ZMYM2: variants seen among roughly 807,000 people sequenced by gnomAD.
The protein encoded by ZMYM2 is zinc finger MYM-type protein 2.
A neutral mutation model predicts 162.8 loss-of-function variants in ZMYM2; 56 were observed. The ratio of observed to expected loss-of-function variants is 0.34; its 90% CI spans 0.28 to 0.43. ZMYM2 has a LOEUF of 0.43. Among genes scored for constraint, ZMYM2 ranks in the 20% least tolerant of loss-of-function variants. The probability of loss-of-function intolerance (pLI) is 1.00; values close to 1 mark genes in which losing one functional copy is unlikely to be tolerated. For missense variants in ZMYM2, 1,275 were observed against 1,621.8 expected (o/e 0.79, Z 3.67); for synonymous variants, 510 against 541.6 (o/e 0.94, Z 0.81).
intron 7 of ZMYM2, chr13:20,025,847 C>T (rs1407012874): frequency 1.3e-5 from 2 of 152,106 alleles, no homozygotes; most frequent in Non-Finnish European, 2.9e-5. Flanking sequence ...AGTTGTAACA[C>T]AATGGTAAGT....
the ZMYM2 span, among the ~76,000 whole-genome samples, chr13:19,893,076 T>C: frequency 6.6e-6 from 1 of 151,912 alleles, no homozygotes; most frequent in Admixed American, 6.6e-5. Context: ...TATAGTTGTA[T>C]AGTGTTTGTT....
rs1555278560 is a variant in ZMYM2, at chr13:19,971,264, T to TATATA, written c.-11+11238_-11+11239insATATA. Among the ~76,000 whole-genome samples, 159 of 53,484 alleles carry TATATA rather than the reference T, an allele frequency of 3.0e-3. 1 individual carries two copies. The highest frequency in any genetic ancestry group is 0.024 in the Middle Eastern group (2 of 84). 35.1% of individuals were successfully genotyped at this position (53,484 alleles called of 152,430 possible). On this transcript the variant is annotated intron_variant, in intron 2 of 24. Coordinates refer to ENST00000610343, the MANE Select transcript of ZMYM2 (RefSeq NM_197968.4). Reference sequence around the variant, plus strand: ...TGTGTGTATATATATATATATATATTTTTTTTTTTTTTTTTTTTTCCTTGA... The same window carrying TATATA: ...TGTGTGTATATATATATATATATATTATATATTTTTTTTTTTTTTTTTTTCCTTGA...
intron 9 of ZMYM2, among the ~76,000 whole-genome samples, chr13:20,030,477 C>T (rs185317377): frequency 3.1e-4 from 47 of 150,918 alleles, no homozygotes; most frequent in African/African-American, 1.1e-3. Context: ...CGGCTCACTG[C>T]AAGCTCCACC....
rs111896893 is a variant in ZMYM2, at chr13:20,074,114, T to C, written c.3453+6724T>C. The stretch of plus-strand genomic sequence containing the variant: ...ACCTCATATAAGTGGAATCATGCAG[T>C]ATTTGTCCTTTTTAGTCTGGCTTAT... On this transcript the variant is annotated intron_variant, in intron 21 of 24. Transcript: ENST00000610343. Among the ~76,000 whole-genome samples, 72 of 152,230 alleles carry C rather than the reference T, an allele frequency of 4.7e-4. 1 individual carries two copies. The highest frequency in any genetic ancestry group is 1.7e-3 in the African/African-American group (71 of 41,526).
Position 20,087,856 on chromosome 13 carries a change from C to G in ZMYM2, c.*1842C>G. The G allele has an allele frequency of 5.3e-6, 1 of 187,374 alleles. No individual in the cohort carries two copies. Among genetic ancestry groups the G allele is most frequent in the East Asian group, 8.6e-5 (1 of 11,644 alleles). The allele number at this position is 187,374 out of a possible 1,614,324, so 11.6% of individuals were successfully genotyped here. On this transcript the variant is annotated 3_prime_UTR_variant, in exon 25 of 25. Coordinates refer to ENST00000610343, the MANE Select transcript of ZMYM2 (RefSeq NM_197968.4). ...AAAATATATAATACAAAAATTTTCTCTAACTTACCTTTTTCCAGAACTACT... is the reference window on the plus strand; with the variant it reads ...AAAATATATAATACAAAAATTTTCTGTAACTTACCTTTTTCCAGAACTACT...
At chr13:19,951,732 A>T in the ZMYM2 span, among the ~76,000 whole-genome samples, 2 of 151,948 alleles carry the variant, frequency 1.3e-5, no homozygotes, top group African/African-American at 4.8e-5. Context: ...CAGACAAAAG[A>T]ATACACATGC....
rs74035476 is a variant in ZMYM2 at position 20,005,014 on chromosome 13, T to C, written c.1134-60T>C. 12 of 1,405,884 alleles carry C rather than the reference T, an allele frequency of 8.5e-6. No homozygotes were observed. The African/African-American group carries it at 8.9e-5, about 10-fold the overall frequency. 87.1% of individuals were successfully genotyped at this position (1,405,884 alleles called of 1,614,324 possible). On this transcript the variant is annotated intron_variant, in intron 4 of 24. Transcript: ENST00000610343. ...CTATAGAAATGAAAAATGTCACTTATGACTCTTATATTTGATTTCTTTTAA... is the reference window on the plus strand; with the variant it reads ...CTATAGAAATGAAAAATGTCACTTACGACTCTTATATTTGATTTCTTTTAA...
intron 19 of ZMYM2, among the ~76,000 whole-genome samples, chr13:20,065,786 T>C (rs1489242861): frequency 1.3e-5 from 2 of 151,778 alleles, no homozygotes; most frequent in Admixed American, 6.6e-5. Context: ...AAAACAGAAC[T>C]CCAGCATGGA....
chr13:20,075,885 G>A (rs1413408195), intron 21 of ZMYM2, among the ~76,000 whole-genome samples: 2 of 151,194 alleles, frequency 1.3e-5, no homozygotes, highest in South Asian at 2.1e-4. Context: ...CCGTAGAGAC[G>A]AGGTTTCGCC....
At chr13:19,964,897 AC>A (rs972943544) in intron 2 of ZMYM2, among the ~76,000 whole-genome samples, 1 of 152,168 alleles carries the variant, frequency 6.6e-6, no homozygotes, top group Non-Finnish European at 1.5e-5. Context: ...AATTGTTGCA[AC>A]TTCATATGCA....
At chr13:20,075,138 A>G (rs914039720) in intron 21 of ZMYM2, among the ~76,000 whole-genome samples, 6 of 152,180 alleles carry the variant, frequency 3.9e-5, no homozygotes, top group African/African-American at 9.7e-5. Flanking sequence ...TTAGTTCAAG[A>G]TGTGTACAGA....
chr13:19,970,135 A>G, intron 2 of ZMYM2: 1 of 862,218 alleles, frequency 1.2e-6, no homozygotes, highest in Non-Finnish European at 1.4e-6. Flanking sequence ...TTGTTATCAA[A>G]AACAGTCATT....
intron 2 of ZMYM2, among the ~76,000 whole-genome samples, chr13:19,969,479 C>T (rs1283587207): frequency 6.6e-6 from 1 of 152,164 alleles, no homozygotes; most frequent in African/African-American, 2.4e-5. Flanking sequence ...AAGGTCTTTT[C>T]AAGGAACTTG....
chr13:20,007,394 C>T (rs370651767), intron 6 of ZMYM2, among the ~76,000 whole-genome samples: 1 of 152,124 alleles, frequency 6.6e-6, no homozygotes, highest in Admixed American at 6.5e-5. Context: ...GCCTCAGCCT[C>T]CCAAAGTGGT....
At chr13:19,991,158 G>A (rs1949591186) in intron 2 of ZMYM2, among the ~76,000 whole-genome samples, 1 of 151,188 alleles carries the variant, frequency 6.6e-6, no homozygotes, top group South Asian at 2.1e-4. Context: ...CTGTTGCCCA[G>A]GCTGGAATAT....
At chr13:19,912,642 G>C in the ZMYM2 span, among the ~76,000 whole-genome samples, 5 of 152,044 alleles carry the variant, frequency 3.3e-5, no homozygotes, top group African/African-American at 1.2e-4. Flanking sequence ...CCCATCACAG[G>C]AATCTTGATC....
intron 7 of ZMYM2, among the ~76,000 whole-genome samples, chr13:20,023,904 A>G (rs1290532848): frequency 6.6e-6 from 1 of 150,454 alleles, no homozygotes; most frequent in Non-Finnish European, 1.5e-5. Context: ...TGATTCTGTC[A>G]TTCTGATAGT....
At chr13:20,003,613 G>GT (rs541761891) in intron 4 of ZMYM2, among the ~76,000 whole-genome samples, 12 of 150,632 alleles carry the variant, frequency 8.0e-5, no homozygotes, top group South Asian at 4.2e-4. Flanking sequence ...CTCTTCTACT[G>GT]TTTTTTTCTT....
In ZMYM2 at chr13:20,058,576, G is replaced by A. The variant is rs747198431; in HGVS notation, c.2495G>A (p.Gly832Asp). 6.8e-6 allele frequency: 11 copies of A among 1,613,234 alleles called. No individual in the cohort carries two copies. Among genetic ancestry groups the A allele is most frequent in the Non-Finnish European group, 6.8e-6 (8 of 1,179,606 alleles). Residue 832 changes from glycine (G) to aspartate (D), a missense_variant and splice_region_variant, in exon 15 of 25, where the codon GGT becomes GAT. Physicochemically the swap from Gly to Asp is moderately conservative, Grantham distance 94. Coordinates refer to ENST00000610343, the MANE Select transcript of ZMYM2 (RefSeq NM_197968.4). ...ATGTTTCTCTTTGCTTCTCCATAGGGTTCAGCACCACCCCCTTCTCCAACA... is the reference window on the plus strand; with the variant it reads ...ATGTTTCTCTTTGCTTCTCCATAGGATTCAGCACCACCCCCTTCTCCAACA... ...GCQTSRTKMT[G>D]SAPPPSPTPN...
Sources: allele counts gnomAD v4.1 joint callset (sites outside exome capture counted in the v4.1 genomes callset), GRCh38; gene constraint gnomAD v4.1.1; transcripts MANE v1.5; gene names NCBI Gene and HGNC (gene_info 2026-07-23, HGNC 2026-07-21).